The following NPTXR variants were observed in gnomAD, a reference collection of about 807,000 sequenced individuals.
NPTXR encodes neuronal pentraxin receptor.
Under a neutral mutation model 32.2 loss-of-function variants are expected in NPTXR, and 12 were observed. The ratio of observed to expected loss-of-function variants is 0.37; its 90% confidence interval spans 0.24 to 0.60. The LOEUF (loss-of-function observed/expected upper bound fraction) is 0.60. Among genes scored for constraint, NPTXR ranks in the 20% least tolerant of loss-of-function variants. The probability of loss-of-function intolerance (pLI) is 0.66; values close to 1 mark genes in which losing one functional copy is unlikely to be tolerated. For synonymous variants in NPTXR, 323 were observed against 315.8 expected, an observed-to-expected ratio of 1.02 and a Z score of -0.24; for missense variants, 612 against 682.9, an observed-to-expected ratio of 0.90 and a Z score of 1.16.
chr22:38,826,830 G>A, intron 2 of NPTXR, 83 bp from the exon 3 acceptor site: 3 of 1,500,766 alleles, frequency 2.0e-6, no homozygotes, highest in Non-Finnish European at 9.0e-7. Flanking sequence ...CAGAAAGATG[G>A]CTAACAGCTC....
intron 1 of NPTXR, among the ~76,000 whole-genome samples, chr22:38,838,706 T>C (rs1020329343): frequency 1.3e-5 from 2 of 151,206 alleles, no homozygotes; most frequent in Non-Finnish European, 2.9e-5. Flanking sequence ...CTCAGCCTCC[T>C]GAGTAGCTGG....
chr22:38,839,089 C>T (rs2093128532), intron 1 of NPTXR, among the ~76,000 whole-genome samples: 1 of 152,192 alleles, frequency 6.6e-6, no homozygotes, highest in Non-Finnish European at 1.5e-5. Flanking sequence ...TGCACTGTGC[C>T]TGCCGCATAG....
At chr22:38,839,506 G>C (rs1321652349) in intron 1 of NPTXR, among the ~76,000 whole-genome samples, 1 of 152,174 alleles carries the variant, frequency 6.6e-6, no homozygotes, top group Non-Finnish European at 1.5e-5. Context: ...TTAGCTGGGC[G>C]TGGTGGCACA....
rs754067020 is a variant in NPTXR at position 38,821,541 on chromosome 22, G to A, written c.*1068C>T. On this transcript the variant is annotated 3_prime_UTR_variant, in exon 5 of 5. Transcript: ENST00000333039. ...AATCTGGAGAGCAAATGACCAAAGC[G>A]AGGGCCTCAGCTCACGAATGAGGAA... The A allele has an allele frequency of 1.3e-5, 2 of 152,452 alleles. No individual in the cohort carries two copies. Among genetic ancestry groups the A allele is most frequent in the African/African-American group, 4.8e-5 (2 of 41,458 alleles). The allele number at this position is 152,452 out of a possible 1,614,324, so 9.4% of individuals were successfully genotyped here.
At position 38,843,892 on chromosome 22, in the gene NPTXR, C is replaced by T; in HGVS notation, c.-34G>A. The T allele has an allele frequency of 1.0e-6, 1 of 982,150 alleles. No individual in the cohort carries two copies. Among genetic ancestry groups the T allele is most frequent in the Non-Finnish European group, 1.2e-6 (1 of 829,014 alleles). 60.8% of individuals were successfully genotyped at this position (982,150 alleles called of 1,614,324 possible). ...GGGCGGCGGGGGCGCCCGAGGCCCC[C>T]GGCAGGCGCGGCGGCGGGGTCGGGG... On this transcript the variant is annotated 5_prime_UTR_variant, in exon 1 of 5. Transcript: ENST00000333039. The surrounding 1 kb of genome is among the most constrained non-coding windows in gnomAD (Gnocchi z 5.3).
chr22:38,823,322 G>C, intron 3 of NPTXR, 60 bp from the exon 4 acceptor site: 1 of 1,520,882 alleles, frequency 6.6e-7, no homozygotes, highest in East Asian at 2.3e-5. Flanking sequence ...GCCCATGGCT[G>C]AGGCAGTGGG....
At chr22:38,840,567 A>C (rs1048891781) in intron 1 of NPTXR, among the ~76,000 whole-genome samples, 1 of 151,990 alleles carries the variant, frequency 6.6e-6, no homozygotes, top group Non-Finnish European at 1.5e-5. Flanking sequence ...GGGAGGGGCC[A>C]AGGATGGTTT....
intron 1 of NPTXR, among the ~76,000 whole-genome samples, chr22:38,832,190 C>A (rs1267014008): frequency 6.6e-6 from 1 of 152,190 alleles, no homozygotes; most frequent in Non-Finnish European, 1.5e-5. Flanking sequence ...GAGGTGGGCT[C>A]GCCGGATCGT....
At position 38,822,638 on chromosome 22, in the gene NPTXR, C is replaced by A; in HGVS notation, c.1474G>T (p.Asp492Tyr). 1 of 1,613,420 alleles carries A rather than the reference C, an allele frequency of 6.2e-7. No individual in the cohort carries two copies. The change falls in exon 5 of 5, where the codon GAT (aspartate) becomes TAT (tyrosine). Residue 492 changes from aspartate (D) to tyrosine (Y), a missense_variant. By Grantham distance (160) the Asp-to-Tyr change is radical. Coordinates refer to ENST00000333039, the MANE Select transcript of NPTXR (RefSeq NM_014293.4). The stretch of plus-strand genomic sequence containing the variant: ...GCCTTGGCCCTCCCCTTGCAGACAT[C>A]GAAGGCAGCCTTTGTTGCACCCCCA...
chr22:38,840,326 C>T (rs909170589), intron 1 of NPTXR, among the ~76,000 whole-genome samples: 12 of 151,998 alleles, frequency 7.9e-5, no homozygotes, highest in African/African-American at 2.9e-4. Context: ...TGGGGGTGAT[C>T]CAGGCAGAGG....
chr22:38,835,289 T>C (rs1439616310), intron 1 of NPTXR, among the ~76,000 whole-genome samples: 1 of 152,142 alleles, frequency 6.6e-6, no homozygotes, highest in African/African-American at 2.4e-5. Flanking sequence ...AGGTGGAAGT[T>C]TGGGGTCAGG....
chr22:38,826,472 G>T, intron 3 of NPTXR, 28 bp downstream of exon 3: 1 of 1,580,132 alleles, frequency 6.3e-7, no homozygotes. Context: ...CCCTCCCCCA[G>T]CCAGCCCTCC....
intron 1 of NPTXR, among the ~76,000 whole-genome samples, chr22:38,833,561 G>A (rs1335510245): frequency 2.0e-5 from 3 of 152,178 alleles, no homozygotes; most frequent in Admixed American, 6.5e-5. Flanking sequence ...GCATCGTGGT[G>A]AGGATTGACT....
At chr22:38,842,209 G>T (rs918138019) in intron 1 of NPTXR, among the ~76,000 whole-genome samples, 1 of 152,244 alleles carries the variant, frequency 6.6e-6, no homozygotes. Flanking sequence ...CTTGCCTGCT[G>T]CACTCCACCT....
chr22:38,832,308 G>A (rs758284155), intron 1 of NPTXR, among the ~76,000 whole-genome samples: 4 of 152,224 alleles, frequency 2.6e-5, no homozygotes, highest in East Asian at 1.9e-4. Flanking sequence ...CTCCCGGCCC[G>A]ATGCCAACTG....
chr22:38,829,377 G>A (rs28441021), intron 1 of NPTXR, among the ~76,000 whole-genome samples: 32,653 of 152,026 alleles, frequency 0.21, 3,880 homozygotes, highest in African/African-American at 0.31. Context: ...GCAGAACTGG[G>A]GCAGGAGCTG....
intron 2 of NPTXR, 94 bp from the exon 3 acceptor site, chr22:38,826,841 C>T: frequency 2.1e-6 from 3 of 1,438,076 alleles, no homozygotes; most frequent in Middle Eastern, 1.9e-4. Context: ...CTAACAGCTC[C>T]CAGGCACCTG....
chr22:38,840,586 A>T (rs1364944627), intron 1 of NPTXR, among the ~76,000 whole-genome samples: 1 of 152,108 alleles, frequency 6.6e-6, no homozygotes, highest in Non-Finnish European at 1.5e-5. Flanking sequence ...TTCTCAGGGC[A>T]CATGGAGGTA....
intron 3 of NPTXR, among the ~76,000 whole-genome samples, chr22:38,824,854 G>A (rs1478211178): frequency 6.6e-6 from 1 of 152,118 alleles, no homozygotes; most frequent in Non-Finnish European, 1.5e-5. Flanking sequence ...AAAGTCACTG[G>A]TCCCTGGACT....
Sources: gnomAD v4.1 joint callset for allele counts (sites outside exome capture counted in the v4.1 genomes callset) on GRCh38, gnomAD v4.1.1 for gene constraint, Gnocchi (gnomAD v3.1) non-coding constraint, MANE v1.5 for transcripts, NCBI Gene and HGNC (gene_info 2026-07-23, HGNC 2026-07-21) for gene names.